Variants in SOS2 observed in about 807,000 individuals in gnomAD.
SOS2 encodes son of sevenless homolog 2.
A neutral mutation model predicts 148.2 loss-of-function variants in SOS2; 65 were observed. The ratio of observed to expected loss-of-function variants is 0.44; its 90% CI spans 0.36 to 0.54. The LOEUF (loss-of-function observed/expected upper bound fraction) is 0.54. Ranked by LOEUF, SOS2 falls within the 20% of genes least tolerant of loss-of-function variation. The pLI is 0.00. For synonymous variants in SOS2, 539 were observed against 537.1 expected, an observed-to-expected ratio of 1.00 and a Z score of -0.05; for missense variants, 1,341 against 1,590.2, an observed-to-expected ratio of 0.84 and a Z score of 2.67.
At position 50,138,706 on chromosome 14, in the gene SOS2, T is replaced by C; in HGVS notation, c.2864A>G (p.Asn955Ser). ...FLKKKGKDLINFSKRRKVAEI... is the reference protein window; with the variant it reads ...FLKKKGKDLISFSKRRKVAEI... Reference sequence around the variant, plus strand: ...AGCTACTTTCCTCCTCTTACTGAAATTGATTAAATCTTTCCCTTTCTTTTT... The same window carrying C: ...AGCTACTTTCCTCCTCTTACTGAAACTGATTAAATCTTTCCCTTTCTTTTT... Residue 955 changes from asparagine to serine, a missense_variant, in exon 18 of 23, where the codon AAT (asparagine) becomes AGT (serine). Physicochemically the swap from Asn to Ser is conservative, Grantham distance 46 (BLOSUM62 1). Around this residue, in one of 4 missense-constraint regions of SOS2, gnomAD observed 408 missense variants for 506.6 expected, o/e 0.81. Coordinates refer to ENST00000216373, the MANE Select transcript of SOS2 (RefSeq NM_006939.4). 2 of 1,440,546 alleles carry C rather than the reference T, an allele frequency of 1.4e-6. No individual in the cohort carries two copies. Among genetic ancestry groups the C allele is most frequent in the Non-Finnish European group, 1.9e-6 (2 of 1,032,900 alleles). 89.2% of individuals were successfully genotyped at this position (1,440,546 alleles called of 1,614,324 possible).
chr14:50,226,155 G>A (rs1478378592), intron 1 of SOS2, among the ~76,000 whole-genome samples: 3 of 152,214 alleles, frequency 2.0e-5, no homozygotes, highest in African/African-American at 4.8e-5. Flanking sequence ...CAAGAACAGT[G>A]TCTGCAGCCA....
intron 16 of SOS2, among the ~76,000 whole-genome samples, chr14:50,143,919 A>G (rs1884379235): frequency 6.7e-6 from 1 of 149,000 alleles, no homozygotes; most frequent in African/African-American, 2.5e-5. Flanking sequence ...TCTGCCTCCC[A>G]AAGTGTTGGG....
chr14:50,146,821 T>C lies in SOS2; in HGVS notation c.2385-1225A>G, dbSNP rs539320104. On this transcript the variant is annotated intron_variant, in intron 14 of 22. Transcript: ENST00000216373. ...AATAAGCTAACTAGAACTGTATTCA[T>C]TGACTTGAACAAATGCCAAAAATGA... Among the ~76,000 whole-genome samples the C allele has an allele frequency of 1.3e-4, 20 of 152,246 alleles. No homozygotes were observed. In the East Asian group the frequency reaches 3.5e-3, roughly 26 times the overall value.
chr14:50,166,346 C>T (rs574818733), intron 8 of SOS2, among the ~76,000 whole-genome samples: 4 of 152,224 alleles, frequency 2.6e-5, no homozygotes, highest in Admixed American at 2.6e-4. Context: ...CCTTAACCCC[C>T]CAACCCCTGA....
intron 7 of SOS2, among the ~76,000 whole-genome samples, chr14:50,178,633 C>T (rs1264505745): frequency 1.3e-5 from 2 of 148,536 alleles, no homozygotes; most frequent in Non-Finnish European, 3.0e-5. Flanking sequence ...CAGGTGTGCA[C>T]CACCATGCCC....
chr14:50,138,432 A>ATT (rs1884158003), intron 18 of SOS2, among the ~76,000 whole-genome samples, 180 bp downstream of exon 18: 1 of 152,094 alleles, frequency 6.6e-6, no homozygotes, highest in Non-Finnish European at 1.5e-5. Flanking sequence ...AAGTGCTGGG[A>ATT]TTACAGGCGT....
intron 12 of SOS2, among the ~76,000 whole-genome samples, chr14:50,155,646 T>C (rs1332047445): frequency 6.6e-6 from 1 of 152,152 alleles, no homozygotes; most frequent in Non-Finnish European, 1.5e-5. Context: ...TGTGTCTTTT[T>C]CCCCCAGTAA....
chr14:50,123,059 G>T (rs1883571480), intron 21 of SOS2, among the ~76,000 whole-genome samples: 1 of 152,108 alleles, frequency 6.6e-6, no homozygotes, highest in South Asian at 2.1e-4. Context: ...AGAAATATTT[G>T]GTTGGAAAGG....
chr14:50,118,729 G>T lies in SOS2; in HGVS notation c.3614C>A (p.Pro1205Gln). ...AFDGPLHSPP[P>Q]PPPRDPLPDT... ...AGGAAGAGGATCTCTTGGTGGTGGC[G>T]GAGGTGGACTATGCAGAGGCCCATC... The change falls in exon 23 of 23, where the codon CCG (proline) becomes CAG (glutamine). Residue 1205 changes from proline to glutamine, a missense_variant. Around this residue, in one of 4 missense-constraint regions of SOS2, gnomAD observed 354 missense variants for 347.7 expected, o/e 1.02. Coordinates refer to ENST00000216373, the MANE Select transcript of SOS2 (RefSeq NM_006939.4). The T allele has an allele frequency of 6.2e-7, 1 of 1,613,672 alleles. No individual in the cohort carries two copies.
chr14:50,154,549 C>T (rs1434740417), intron 12 of SOS2, among the ~76,000 whole-genome samples: 5 of 151,990 alleles, frequency 3.3e-5, no homozygotes, highest in Non-Finnish European at 7.4e-5. Context: ...CGGCTTTATT[C>T]ATAATAATAA....
intron 18 of SOS2, among the ~76,000 whole-genome samples, chr14:50,135,898 C>T (rs900556600): frequency 2.0e-5 from 3 of 151,744 alleles, no homozygotes; most frequent in Admixed American, 6.6e-5. Context: ...TTTTTCTGTA[C>T]ATTTTTTATG....
At position 50,169,548 on chromosome 14, in the gene SOS2, G is replaced by A. The variant is rs550706707; in HGVS notation, c.1068+4906C>T. On this transcript the variant is annotated intron_variant, in intron 8 of 22. Coordinates refer to ENST00000216373, the MANE Select transcript of SOS2 (RefSeq NM_006939.4). ...TCAGCTACTTGGGAGGCTGAGGCAGGAGAATCACTTGAACCTGGGAGGCAG... is the reference window on the plus strand; with the variant it reads ...TCAGCTACTTGGGAGGCTGAGGCAGAAGAATCACTTGAACCTGGGAGGCAG... Among the ~76,000 whole-genome samples the A allele has an allele frequency of 4.6e-5, 7 of 151,784 alleles. No individual in the cohort carries two copies. The East Asian group carries it at 1.4e-3, about 29-fold the overall frequency.
At chr14:50,230,899 C>T (rs1887519371) in intron 1 of SOS2, 13 of 1,063,046 alleles carry the variant, frequency 1.2e-5, no homozygotes, top group Non-Finnish European at 1.5e-5. Flanking sequence ...TTCTCTTGCC[C>T]GATTCCAGCC....
intron 1 of SOS2, among the ~76,000 whole-genome samples, chr14:50,221,467 TAAGA>T (rs893621942): frequency 6.6e-6 from 1 of 152,204 alleles, no homozygotes; most frequent in Non-Finnish European, 1.5e-5. Context: ...CTCATTTTAC[TAAGA>T]AAGGCAGATC....
chr14:50,152,195 A>G (rs570702713), intron 13 of SOS2, among the ~76,000 whole-genome samples: 35 of 152,314 alleles, frequency 2.3e-4, no homozygotes, highest in African/African-American at 8.2e-4. Flanking sequence ...AGTATTTGTA[A>G]TGCCCTATAA....
intron 14 of SOS2, among the ~76,000 whole-genome samples, chr14:50,147,017 G>A (rs1476663871): frequency 1.3e-5 from 2 of 150,324 alleles, no homozygotes; most frequent in African/African-American, 4.9e-5. Context: ...CAATCATAAT[G>A]AGATCCTATC....
chr14:50,227,188 A>G (rs1173363595), intron 1 of SOS2, among the ~76,000 whole-genome samples: 1 of 151,884 alleles, frequency 6.6e-6, no homozygotes. Context: ...TCTATTCCCA[A>G]AATTATTTTT....
In SOS2 at chr14:50,180,553, ACCTT is replaced by A; in HGVS notation, c.969+15_969+18del. 3.8e-6 allele frequency: 4 copies of A among 1,060,824 alleles called. No individual in the cohort carries two copies. The highest frequency in any genetic ancestry group is 1.5e-5 in the South Asian group (1 of 66,718). 65.7% of individuals were successfully genotyped at this position (1,060,824 alleles called of 1,614,324 possible). ...TTTATTAAAAAAAAAAAAAAAAAAA[ACCTT>A]CAATTTAAGTTTACCTGAAAGTGTA... is the stretch of plus-strand genomic sequence containing the variant. On this transcript the variant is annotated intron_variant, in intron 7 of 22. Coordinates refer to ENST00000216373, the MANE Select transcript of SOS2 (RefSeq NM_006939.4).
chr14:50,175,428 C>CTTTTTTTTTTTT (rs71441277), intron 7 of SOS2, among the ~76,000 whole-genome samples: 5 of 119,862 alleles, frequency 4.2e-5, no homozygotes, highest in Non-Finnish European at 6.9e-5. Context: ...AGGAGTAATA[C>CTTTTTTTTTTTT]TTTTTTTTTT....
Sources: gnomAD v4.1 joint callset for allele counts (sites outside exome capture counted in the v4.1 genomes callset) on GRCh38, gnomAD v4.1.1 for gene constraint, gnomAD v4.1.1 regional missense constraint, MANE v1.5 for transcripts, NCBI Gene and HGNC (gene_info 2026-07-23, HGNC 2026-07-21) for gene names.